PCDH15: variants seen among roughly 807,000 people sequenced by gnomAD.
The protein encoded by PCDH15 is protocadherin related 15, also known as protocadherin-15.
PCDH15 carries 129 observed loss-of-function variants against 178.5 expected under a neutral mutation model. That is an observed-to-expected ratio of 0.72 (90% CI 0.63 to 0.84). The LOEUF (loss-of-function observed/expected upper bound fraction) is 0.84. PCDH15 is among the 40% of genes least tolerant of loss of function. PCDH15 has a pLI of 0.00. For synonymous variants in PCDH15, 800 were observed against 732.0 expected (o/e 1.09, Z -1.50); for missense variants, 2,230 against 2,099.9 (o/e 1.06, Z -1.21).
At chr10:54,443,307 A>C (rs1397711698) in intron 3 of PCDH15, among the ~76,000 whole-genome samples, 2 of 151,462 alleles carry the variant, frequency 1.3e-5, no homozygotes, top group East Asian at 3.9e-4. Context: ...CCTGTCTGAC[A>C]TATTCTTCAA....
intron 3 of PCDH15, among the ~76,000 whole-genome samples, chr10:54,868,131 G>A (rs927432289): frequency 5.3e-5 from 8 of 152,162 alleles, no homozygotes; most frequent in Non-Finnish European, 8.8e-5. Flanking sequence ...AGGGGGAAAC[G>A]GTTATAGCAA....
At chr10:55,585,990 C>G (rs530896190) in intron 2 of PCDH15, among the ~76,000 whole-genome samples, 1 of 152,200 alleles carries the variant, frequency 6.6e-6, no homozygotes, top group African/African-American at 2.4e-5. Context: ...CTCTATCCAG[C>G]TCTCACTTAT....
intron 2 of PCDH15, among the ~76,000 whole-genome samples, chr10:55,563,951 T>A (rs1842250533): frequency 6.6e-6 from 1 of 151,874 alleles, no homozygotes; most frequent in Admixed American, 6.6e-5. Context: ...AAAAGGACAT[T>A]AGATAGTAAC....
chr10:54,583,921 A>G (rs926584367), intron 2 of PCDH15, among the ~76,000 whole-genome samples: 4 of 152,156 alleles, frequency 2.6e-5, no homozygotes, highest in Non-Finnish European at 4.4e-5. Flanking sequence ...TTTAAAATTA[A>G]GATTCGACTA....
intron 2 of PCDH15, among the ~76,000 whole-genome samples, chr10:54,560,034 T>C (rs2133346711): frequency 6.6e-6 from 1 of 152,134 alleles, no homozygotes; most frequent in Admixed American, 6.6e-5. Context: ...ACTCAATTTG[T>C]TGTCTTTAAA....
At chr10:54,940,302 A>C (rs1838029165) in intron 2 of PCDH15, among the ~76,000 whole-genome samples, 1 of 152,096 alleles carries the variant, frequency 6.6e-6, no homozygotes, top group South Asian at 2.1e-4. Context: ...TGATTGTTAA[A>C]GAGTGTGTTG....
chr10:54,140,127 T>G (rs79678571), intron 14 of PCDH15, among the ~76,000 whole-genome samples: 2 of 152,316 alleles, frequency 1.3e-5, no homozygotes, highest in African/African-American at 4.8e-5. Flanking sequence ...TTAGCATTGT[T>G]CATAGTTAAA....
intron 2 of PCDH15, among the ~76,000 whole-genome samples, chr10:55,108,758 T>C (rs558563205): frequency 2.6e-5 from 4 of 151,890 alleles, no homozygotes; most frequent in African/African-American, 4.8e-5. Context: ...GGCTAGTCTA[T>C]AGTTTCAGGC....
chr10:54,720,292 C>A (rs1309971020), intron 1 of PCDH15, among the ~76,000 whole-genome samples: 1 of 151,872 alleles, frequency 6.6e-6, no homozygotes, highest in Non-Finnish European at 1.5e-5. Flanking sequence ...ATTTGGACAT[C>A]TAGATACAAA....
At chr10:54,443,274 T>G (rs541904315) in intron 3 of PCDH15, among the ~76,000 whole-genome samples, 1 of 151,650 alleles carries the variant, frequency 6.6e-6, no homozygotes, top group African/African-American at 2.4e-5. Flanking sequence ...AATACATAGA[T>G]TGGGATCTTT....
At chr10:55,464,281 T>C (rs1485968432) in intron 2 of PCDH15, among the ~76,000 whole-genome samples, 1 of 152,238 alleles carries the variant, frequency 6.6e-6, no homozygotes. Flanking sequence ...TAAAGATGAA[T>C]TGAGATTGTG....
At chr10:53,990,715 G>T (rs2134785360) in intron 21 of PCDH15, among the ~76,000 whole-genome samples, 1 of 152,140 alleles carries the variant, frequency 6.6e-6, no homozygotes, top group East Asian at 1.9e-4. Flanking sequence ...GGCCACACTT[G>T]AGGAGCCCCT....
At chr10:55,529,355 G>A (rs1367109183) in intron 2 of PCDH15, among the ~76,000 whole-genome samples, 1 of 151,698 alleles carries the variant, frequency 6.6e-6, no homozygotes, top group Non-Finnish European at 1.5e-5. Flanking sequence ...GTTTTTATGG[G>A]TTTAGGTCTA....
At chr10:55,431,063 T>C (rs1838870472) in intron 2 of PCDH15, among the ~76,000 whole-genome samples, 1 of 152,150 alleles carries the variant, frequency 6.6e-6, no homozygotes, top group Non-Finnish European at 1.5e-5. Flanking sequence ...TCTCCTCTTT[T>C]AAAAAATCAT....
At chr10:54,821,846 T>C (rs192312718) in intron 3 of PCDH15, among the ~76,000 whole-genome samples, 1 of 152,242 alleles carries the variant, frequency 6.6e-6, no homozygotes, top group African/African-American at 2.4e-5. Context: ...GGAATTTTTT[T>C]TTATGCCTGT....
intron 2 of PCDH15, among the ~76,000 whole-genome samples, chr10:55,132,550 G>A (rs1196247178): frequency 6.6e-6 from 1 of 152,062 alleles, no homozygotes; most frequent in Non-Finnish European, 1.5e-5. Context: ...TGAAGCATTA[G>A]TGTATACAAC....
chr10:55,207,738 C>T (rs1366452199), intron 1 of PCDH15, among the ~76,000 whole-genome samples: 2 of 152,028 alleles, frequency 1.3e-5, no homozygotes, highest in African/African-American at 2.4e-5. Flanking sequence ...GAGGCTGAGG[C>T]GGGCATATCA....
At chr10:55,264,719 A>C (rs1178573642) in intron 1 of PCDH15, among the ~76,000 whole-genome samples, 1 of 152,118 alleles carries the variant, frequency 6.6e-6, no homozygotes, top group African/African-American at 2.4e-5. Flanking sequence ...GACCCTCAAA[A>C]TCTGAAGGAA....
intron 2 of PCDH15, among the ~76,000 whole-genome samples, chr10:54,611,908 A>T (rs1264661169): frequency 6.6e-6 from 1 of 151,884 alleles, no homozygotes; most frequent in Non-Finnish European, 1.5e-5. Flanking sequence ...TGAATGATTA[A>T]TATCTCCTCT....
Sources: gnomAD v4.1 joint callset for allele counts (sites outside exome capture counted in the v4.1 genomes callset) on GRCh38, gnomAD v4.1.1 for gene constraint, MANE v1.5 for transcripts, NCBI Gene and HGNC (gene_info 2026-07-23, HGNC 2026-07-21) for gene names.